Variants in CIITA observed in about 807,000 individuals in gnomAD.
CIITA encodes the protein MHC class II transactivator.
CIITA carries 72 observed loss-of-function variants against 115.1 expected under a neutral mutation model. The ratio of observed to expected loss-of-function variants is 0.63; its 90% CI spans 0.52 to 0.76. The LOEUF is 0.76. Ranked by LOEUF, CIITA falls within the 30% of genes least tolerant of loss-of-function variation. The pLI, the probability that CIITA is intolerant of heterozygous loss-of-function variation, is 0.00. For missense variants in CIITA, 1,617 were observed against 1,463.8 expected, an observed-to-expected ratio of 1.10 and a Z score of -1.71; for synonymous variants, 763 against 635.6, an observed-to-expected ratio of 1.20 and a Z score of -3.02.
At chr16:10,871,791 C>T (rs896580638) in intron 1 of CIITA, among the ~76,000 whole-genome samples, 1 of 152,178 alleles carries the variant, frequency 6.6e-6, no homozygotes, top group Non-Finnish European at 1.5e-5. Flanking sequence ...GAGGAAGACT[C>T]GTGCCTTTCA....
At chr16:10,867,797 C>G (rs2035193866) in intron 1 of CIITA, among the ~76,000 whole-genome samples, 1 of 152,164 alleles carries the variant, frequency 6.6e-6, no homozygotes, top group Non-Finnish European at 1.5e-5. Flanking sequence ...GTTCTCTTGC[C>G]CAGGCTGGAG....
rs45451491 is a variant in CIITA at position 10,924,013 on chromosome 16, G to A, written c.*158G>A. On this transcript the variant is annotated 3_prime_UTR_variant, in exon 20 of 20. Coordinates refer to ENST00000324288, the MANE Select transcript of CIITA (RefSeq NM_000246.4). Reference sequence around the variant, plus strand: ...GCTGGTTCAGGGTTGGCCCCTGCCCGGCTGCGGAATGAACCACATCTTGCT... The same window carrying A: ...GCTGGTTCAGGGTTGGCCCCTGCCCAGCTGCGGAATGAACCACATCTTGCT... 4,307 of 152,930 alleles carry A rather than the reference G, an allele frequency of 0.028. 80 individuals carry two copies. The highest frequency in any genetic ancestry group is 0.041 in the Non-Finnish European group (2,787 of 68,282). 9.5% of individuals were successfully genotyped at this position (152,930 alleles called of 1,614,324 possible).
Position 10,908,050 on chromosome 16 carries a change from A to C in CIITA, c.2558A>C (p.Glu853Ala). Residue 853 changes from glutamate to alanine, a missense_variant, in exon 11 of 20, where the codon GAG becomes GCG. Physicochemically the swap from Glu to Ala is moderately radical, Grantham distance 107. Transcript: ENST00000324288. ...GCACATGTACTGGGCAAGGCCTTGG[A>C]GGCGGCGGGCCAAGACTTCTCCCTG... ...PDAHVLGKAL[E>A]AAGQDFSLDL... is the part of the protein sequence containing the mutation. The C allele has an allele frequency of 6.2e-7, 1 of 1,613,264 alleles. No homozygotes were observed. The highest frequency in any genetic ancestry group is 8.5e-7 in the Non-Finnish European group (1 of 1,179,636).
At chr16:10,902,571 G>A (rs943020267) in intron 7 of CIITA, 87 bp from the exon 8 acceptor site, 1 of 1,548,096 alleles carries the variant, frequency 6.5e-7, no homozygotes, top group African/African-American at 1.4e-5. Context: ...CCTTTAGGGG[G>A]GTCAGACATT....
At chr16:10,866,426 A>G (rs766290617) in intron 1 of CIITA, 8 of 565,910 alleles carry the variant, frequency 1.4e-5, no homozygotes, top group South Asian at 2.8e-5. Flanking sequence ...ACTCTGCTCC[A>G]TGAGCCTGAT....
At chr16:10,912,147 C>T (rs1383984544) in intron 13 of CIITA, among the ~76,000 whole-genome samples, 2 of 151,994 alleles carry the variant, frequency 1.3e-5, no homozygotes, top group African/African-American at 4.8e-5. Flanking sequence ...TGGGGTCTTG[C>T]TCTGTCACCC....
chr16:10,903,690 A>C (rs777206067), intron 8 of CIITA, 41 bp from the exon 9 acceptor site: 5 of 1,612,242 alleles, frequency 3.1e-6, no homozygotes, highest in Non-Finnish European at 4.2e-6. Flanking sequence ...TCTGGAATCA[A>C]TACCTGGTTA....
At chr16:10,888,287 C>G (rs2037165291) in intron 1 of CIITA, 1 of 152,184 alleles carries the variant, frequency 6.6e-6, no homozygotes, top group African/African-American at 2.4e-5. Context: ...GAAACTGAGG[C>G]TCCAAGTGGT....
chr16:10,877,181 G>T (rs558399068), upstream of CIITA: 11 of 717,936 alleles, frequency 1.5e-5, no homozygotes, highest in Admixed American at 1.6e-4. Flanking sequence ...AGCTTGGCGG[G>T]CTCCCAACTG....
Position 10,923,808 on chromosome 16 carries a change from T to C in CIITA, c.*23-70T>C. ...CATCCCCCCATCTTGATAGCACCCT[T>C]CCCAGGTGTCAAGCTGCCCCTCCTA... On this transcript the variant is annotated intron_variant, in intron 19 of 19. Transcript: ENST00000324288. The surrounding 1 kb of genome is among the most constrained non-coding windows in gnomAD (Gnocchi z 5.2). 5.5e-6 allele frequency: 1 copy of C among 180,940 alleles called. No homozygotes were observed. The highest frequency in any genetic ancestry group is 1.2e-5 in the Non-Finnish European group (1 of 85,152). 11.2% of individuals were successfully genotyped at this position (180,940 alleles called of 1,614,324 possible).
intron 10 of CIITA, among the ~76,000 whole-genome samples, chr16:10,905,587 C>T (rs538112243): frequency 6.6e-6 from 1 of 151,894 alleles, no homozygotes; most frequent in South Asian, 2.1e-4. Flanking sequence ...ATAGTGAAAC[C>T]CCGTCTCCAT....
Position 10,901,432 on chromosome 16 carries a change from G to A in CIITA, c.437-82G>A, listed in dbSNP as rs546862746. 8.5e-5 allele frequency: 125 copies of A among 1,475,260 alleles called. No homozygotes were observed. The highest frequency in any genetic ancestry group is 7.9e-4 in the South Asian group (69 of 87,260). 91.4% of individuals were successfully genotyped at this position (1,475,260 alleles called of 1,614,324 possible). On this transcript the variant is annotated intron_variant, in intron 5 of 19. Coordinates refer to ENST00000324288, the MANE Select transcript of CIITA (RefSeq NM_000246.4). The surrounding 1 kb of genome is among the most constrained non-coding windows in gnomAD (Gnocchi z 6.8). ...ACTACCCAGCCTTGAAGTTAAGGCCGTATAGCCTGCTAGAGTCCTGAGCCC... is the reference window on the plus strand; with the variant it reads ...ACTACCCAGCCTTGAAGTTAAGGCCATATAGCCTGCTAGAGTCCTGAGCCC...
chr16:10,900,514 C>T (rs2144489504), intron 5 of CIITA, among the ~76,000 whole-genome samples: 1 of 152,062 alleles, frequency 6.6e-6, no homozygotes, highest in Non-Finnish European at 1.5e-5. Context: ...CCAAGGCTGG[C>T]AGATCACCTG....
At chr16:10,872,272 G>A (rs919568376), upstream of CIITA, among the ~76,000 whole-genome samples, 4 of 151,948 alleles carry the variant, frequency 2.6e-5, no homozygotes, top group Non-Finnish European at 5.9e-5. Context: ...ACAGGCGCCT[G>A]CCACCATGCC....
intron 1 of CIITA, among the ~76,000 whole-genome samples, chr16:10,885,363 C>T (rs1320716480): frequency 6.6e-6 from 1 of 152,172 alleles, no homozygotes; most frequent in African/African-American, 2.4e-5. Flanking sequence ...CATGCAGGCA[C>T]ATGCACGCAC....
upstream of CIITA, among the ~76,000 whole-genome samples, chr16:10,874,550 A>C (rs2035699838): frequency 6.6e-6 from 1 of 152,202 alleles, no homozygotes; most frequent in Non-Finnish European, 1.5e-5. Flanking sequence ...TCAGGTGCCA[A>C]AGTGCATCCT....
At chr16:10,887,972 G>T (rs1040949652) in intron 1 of CIITA, among the ~76,000 whole-genome samples, 1 of 152,158 alleles carries the variant, frequency 6.6e-6, no homozygotes, top group Middle Eastern at 3.2e-3. Context: ...CTGTAAAATG[G>T]CTATAATAAC....
rs143936947 is a variant in CIITA at position 10,877,560 on chromosome 16, G to T, written c.52+178G>T. On this transcript the variant is annotated intron_variant, in intron 1 of 19. Transcript: ENST00000324288. ...AAAGAGTTGTCTATTTCCTTCCACC[G>T]GAGGGAGACTTCAGGTCAGCCAGGT... 1.2e-3 allele frequency among the ~76,000 whole-genome samples: 190 copies of T among 152,332 alleles called. 1 individual carries two copies. Among genetic ancestry groups the T allele is most frequent in the African/African-American group, 4.4e-3 (184 of 41,584 alleles).
chr16:10,912,837 G>A (rs532779557), intron 13 of CIITA, among the ~76,000 whole-genome samples: 3 of 152,328 alleles, frequency 2.0e-5, no homozygotes, highest in East Asian at 3.9e-4. Context: ...CCTGGAGACC[G>A]GAAGCCCCCG....
Sources: gnomAD v4.1 joint callset for allele counts (sites outside exome capture counted in the v4.1 genomes callset) on GRCh38, gnomAD v4.1.1 for gene constraint, Gnocchi (gnomAD v3.1) non-coding constraint, MANE v1.5 for transcripts, NCBI Gene and HGNC (gene_info 2026-07-23, HGNC 2026-07-21) for gene names.